KANK1: variants seen among roughly 807,000 people sequenced by gnomAD.
KANK1 encodes KN motif and ankyrin repeat domains 1.
In KANK1, 109 loss-of-function variants were observed where a neutral mutation model predicts 106.2. That is an observed-to-expected ratio of 1.03 (90% CI 0.88 to 1.20). The LOEUF (loss-of-function observed/expected upper bound fraction) is 1.20. Among genes scored for constraint, KANK1 ranks in the 50% most tolerant of loss-of-function variants. The pLI is 0.00. For missense variants in KANK1, 2,399 were observed against 1,710.7 expected, an observed-to-expected ratio of 1.40 and a Z score of -7.10; for synonymous variants, 873 against 652.2, an observed-to-expected ratio of 1.34 and a Z score of -5.16.
intron 3 of KANK1, among the ~76,000 whole-genome samples, chr9:475,821 A>AT (rs1241020214): frequency 1.3e-5 from 2 of 152,146 alleles, no homozygotes; most frequent in African/African-American, 4.8e-5. Context: ...ATCTGAAGAG[A>AT]TTAAGAGTCT....
At chr9:604,397 C>T (rs1828559856) in intron 1 of KANK1, among the ~76,000 whole-genome samples, 1 of 151,636 alleles carries the variant, frequency 6.6e-6, no homozygotes. Context: ...ATGCTGTCCT[C>T]CTGATAGCGA....
At chr9:517,198 G>A (rs1401105260) in intron 1 of KANK1, among the ~76,000 whole-genome samples, 2 of 151,718 alleles carry the variant, frequency 1.3e-5, no homozygotes, top group Non-Finnish European at 2.9e-5. Context: ...AACTTCCGAC[G>A]GTTCAAGCAG....
At chr9:537,762 A>G (rs1299506139) in intron 1 of KANK1, among the ~76,000 whole-genome samples, 1 of 152,206 alleles carries the variant, frequency 6.6e-6, no homozygotes, top group South Asian at 2.1e-4. Flanking sequence ...GAGGGGTGCT[A>G]CTGGCATCTA....
chr9:476,840 A>C (rs1474713186), intron 3 of KANK1: 1 of 152,188 alleles, frequency 6.6e-6, no homozygotes, highest in Non-Finnish European at 1.5e-5. Context: ...TAAAGTTTTA[A>C]AGTTGCAGCA....
chr9:714,680 C>T (rs374684089), intron 3 of KANK1, among the ~76,000 whole-genome samples: 1 of 152,128 alleles, frequency 6.6e-6, no homozygotes, highest in East Asian at 1.9e-4. Context: ...ACATTTTTGT[C>T]TGTCTTATTC....
chr9:621,092 T>A (rs1020410006), intron 1 of KANK1, among the ~76,000 whole-genome samples: 2 of 152,154 alleles, frequency 1.3e-5, no homozygotes, highest in African/African-American at 4.8e-5. Flanking sequence ...GCTATTCAAT[T>A]CAGTCTCTTC....
chr9:712,932 C>G lies in KANK1; in HGVS notation c.2166C>G (p.Gly722=), dbSNP rs770528949. The change falls in exon 3 of 12, where the codon GGC becomes GGG. Residue 722 remains glycine (G), a synonymous_variant. Coordinates refer to ENST00000382297, the MANE Select transcript of KANK1 (RefSeq NM_015158.5). ...VETRTVAVGE[G]RVKDINSSTK... ...CGCGGACAGTAGCTGTAGGAGAAGGCCGTGTCAAGGACATCAACTCCTCCA... is the reference window on the plus strand; with the variant it reads ...CGCGGACAGTAGCTGTAGGAGAAGGGCGTGTCAAGGACATCAACTCCTCCA... 1 of 1,614,118 alleles carries G rather than the reference C, an allele frequency of 6.2e-7. No homozygotes were observed. The highest frequency in any genetic ancestry group is 8.5e-7 in the Non-Finnish European group (1 of 1,180,022).
chr9:494,242 C>G (rs1350063149), intron 3 of KANK1, among the ~76,000 whole-genome samples: 1 of 152,204 alleles, frequency 6.6e-6, no homozygotes, highest in African/African-American at 2.4e-5. Flanking sequence ...AAGCCCAATT[C>G]TATCATTTTT....
At chr9:606,174 C>CACACAA (rs1829081992) in intron 1 of KANK1, among the ~76,000 whole-genome samples, 2 of 145,884 alleles carry the variant, frequency 1.4e-5, no homozygotes, top group African/African-American at 5.3e-5. Flanking sequence ...CACACACACA[C>CACACAA]ACACACACCA....
At chr9:516,829 T>A (rs1020122770) in intron 1 of KANK1, among the ~76,000 whole-genome samples, 7 of 151,706 alleles carry the variant, frequency 4.6e-5, no homozygotes, top group African/African-American at 1.5e-4. Flanking sequence ...TTATAGTGGC[T>A]TAGCAGCCCG....
rs1001834568 is a variant in KANK1, at chr9:732,505, G to A, written c.3133G>A (p.Gly1045Arg). Residue 1045 changes from glycine (G) to arginine (R), a missense_variant, in exon 6 of 12, where the codon GGA (glycine) becomes AGA (arginine). Transcript: ENST00000382297. ...GGAGGAGGAGGATGAAGACACTCGG[G>A]GAATGGCAGAAGGGCACCATGCAGT... ...EEEEEDEDTR[G>R]MAEGHHAVNI... is the part of the protein sequence containing the mutation. 11 of 1,614,118 alleles carry A rather than the reference G, an allele frequency of 6.8e-6. No individual in the cohort carries two copies. Among genetic ancestry groups the A allele is most frequent in the Middle Eastern group, 1.7e-4 (1 of 6,060 alleles).
chr9:505,242 G>A (rs1013602264), intron 1 of KANK1, among the ~76,000 whole-genome samples: 1 of 152,194 alleles, frequency 6.6e-6, no homozygotes, highest in Non-Finnish European at 1.5e-5. Context: ...CTTCGCGGGA[G>A]GGAGTGGCGG....
At chr9:642,850 A>G (rs1439911204) in intron 1 of KANK1, among the ~76,000 whole-genome samples, 2 of 149,748 alleles carry the variant, frequency 1.3e-5, no homozygotes, top group East Asian at 3.9e-4. Flanking sequence ...TTTTATTTTT[A>G]GGCCTCTCCT....
At chr9:577,173 C>G (rs188140219) in intron 1 of KANK1, among the ~76,000 whole-genome samples, 2 of 152,184 alleles carry the variant, frequency 1.3e-5, no homozygotes, top group African/African-American at 2.4e-5. Flanking sequence ...GAAGGGAACC[C>G]AAGCGGGTTG....
chr9:711,553 A>G lies in KANK1; in HGVS notation c.787A>G (p.Ile263Val). ...CGTGAGCCCCATGCACCTGCAGCAC[A>G]TCCGCGAGCAGATGGCCATTGCTCT... ...TNVSPMHLQHIREQMAIALKR... is the reference protein window; with the variant it reads ...TNVSPMHLQHVREQMAIALKR... The change falls in exon 3 of 12, where the codon ATC (isoleucine) becomes GTC (valine). Residue 263 changes from isoleucine to valine, a missense_variant. Transcript: ENST00000382297. 2 of 1,613,948 alleles carry G rather than the reference A, an allele frequency of 1.2e-6. No individual in the cohort carries two copies.
At chr9:727,408 C>A (rs950283162) in intron 3 of KANK1, among the ~76,000 whole-genome samples, 1 of 151,656 alleles carries the variant, frequency 6.6e-6, no homozygotes, top group Non-Finnish European at 1.5e-5. Context: ...CTCTGCCTCC[C>A]GGGTTCAAGT....
chr9:713,444 C>A lies in KANK1; in HGVS notation c.2678C>A (p.Thr893Asn). 1 of 1,596,148 alleles carries A rather than the reference C, an allele frequency of 6.3e-7. No individual in the cohort carries two copies. Among genetic ancestry groups the A allele is most frequent in the South Asian group, 1.1e-5 (1 of 87,254 alleles). The change falls in exon 3 of 12, where the codon ACC becomes AAC. Residue 893 changes from threonine (T) to asparagine (N), a missense_variant. Thr to Asn is a moderately conservative substitution (Grantham distance 65). Transcript: ENST00000382297. ...CTGAGGAACCCTGACTTCCAGAAAA[C>A]CAGTCTGGGTAAAATCACAGGTAGG... ...EELRNPDFQKTSLGKITGNYL... is the reference protein window; with the variant it reads ...EELRNPDFQKNSLGKITGNYL...
intron 2 of KANK1, among the ~76,000 whole-genome samples, chr9:699,112 C>T (rs577059714): frequency 2.6e-5 from 4 of 152,286 alleles, no homozygotes; most frequent in Middle Eastern, 3.4e-3. Flanking sequence ...CCACACTGCC[C>T]GGTGGACTCC....
chr9:725,138 T>G (rs574061257), intron 3 of KANK1, among the ~76,000 whole-genome samples: 1 of 152,234 alleles, frequency 6.6e-6, no homozygotes, highest in African/African-American at 2.4e-5. Context: ...TGCTGTTGAT[T>G]TGGGGACAGG....
Sources: allele counts gnomAD v4.1 joint callset (sites outside exome capture counted in the v4.1 genomes callset), GRCh38; gene constraint gnomAD v4.1.1; transcripts MANE v1.5; gene names NCBI Gene and HGNC (gene_info 2026-07-23, HGNC 2026-07-21).